Variants in DLG2 observed in about 807,000 individuals in gnomAD.
The protein encoded by DLG2 is discs large MAGUK scaffold protein 2, also known as disks large homolog 2.
Under a neutral mutation model 132.5 loss-of-function variants are expected in DLG2, and 45 were observed. That is an observed-to-expected ratio of 0.34 (90% CI 0.27 to 0.44). DLG2 has a LOEUF of 0.44. DLG2 is among the 20% of genes least tolerant of loss of function. The pLI is 1.00. For missense variants in DLG2, 1,045 were observed against 1,196.9 expected (o/e 0.87, Z 1.87); for synonymous variants, 424 against 419.6 (o/e 1.01, Z -0.13).
chr11:85,399,606 G>T (rs1327892575), intron 3 of DLG2, among the ~76,000 whole-genome samples: 1 of 152,108 alleles, frequency 6.6e-6, no homozygotes, highest in African/African-American at 2.4e-5. Context: ...GAATAGAACA[G>T]AGCCCTCAGA....
chr11:84,392,331 T>C (rs1179365470), intron 7 of DLG2, among the ~76,000 whole-genome samples: 1 of 152,198 alleles, frequency 6.6e-6, no homozygotes, highest in Non-Finnish European at 1.5e-5. Flanking sequence ...ATTAAACTGA[T>C]GATTGCAAAC....
intron 15 of DLG2, among the ~76,000 whole-genome samples, chr11:83,913,506 GTAAT>G (rs1279759631): frequency 6.6e-6 from 1 of 152,074 alleles, no homozygotes; most frequent in African/African-American, 2.4e-5. Flanking sequence ...TGGAAATCAA[GTAAT>G]TAATAATAAT....
At chr11:84,954,689 G>C (rs552982433) in intron 6 of DLG2, among the ~76,000 whole-genome samples, 2 of 152,198 alleles carry the variant, frequency 1.3e-5, no homozygotes, top group East Asian at 3.9e-4. Context: ...CCTTTGTGAC[G>C]CTTTACTCAT....
At chr11:84,816,970 T>C (rs2077146765) in intron 6 of DLG2, among the ~76,000 whole-genome samples, 1 of 152,004 alleles carries the variant, frequency 6.6e-6, no homozygotes, top group African/African-American at 2.4e-5. Context: ...AAAATAGGTA[T>C]CCCATTACCC....
rs958206875 is a variant in DLG2, at chr11:85,281,237, A to G, written c.186+3983T>C. 2.0e-5 allele frequency among the ~76,000 whole-genome samples: 3 copies of G among 152,152 alleles called. No homozygotes were observed. The South Asian group carries it at 6.2e-4, about 32-fold the overall frequency. On this transcript the variant is annotated intron_variant, in intron 4 of 27. Transcript: ENST00000376104. ...CAAGTCGATGTCACTTTCTTTCCAGACAAGAAAAGTCTAAAACCTTTACCT... is the reference window on the plus strand; with the variant it reads ...CAAGTCGATGTCACTTTCTTTCCAGGCAAGAAAAGTCTAAAACCTTTACCT...
chr11:84,130,578 G>GACAC (rs34372974), intron 9 of DLG2, among the ~76,000 whole-genome samples: 6 of 138,600 alleles, frequency 4.3e-5, no homozygotes, highest in East Asian at 2.0e-4. Flanking sequence ...CGCACACATA[G>GACAC]ACACACACAC....
intron 9 of DLG2, among the ~76,000 whole-genome samples, chr11:84,152,439 T>A (rs1464665650): frequency 6.6e-6 from 1 of 151,280 alleles, no homozygotes; most frequent in African/African-American, 2.4e-5. Flanking sequence ...CAGGCTGGAG[T>A]GCAGTGGCGC....
intron 16 of DLG2, among the ~76,000 whole-genome samples, chr11:83,841,435 T>C (rs894479171): frequency 6.6e-6 from 1 of 152,202 alleles, no homozygotes; most frequent in Non-Finnish European, 1.5e-5. Flanking sequence ...GGGATTGTAA[T>C]CTTCTAGAAA....
intron 6 of DLG2, among the ~76,000 whole-genome samples, chr11:84,698,385 A>G (rs1013591247): frequency 1.3e-5 from 2 of 151,540 alleles, no homozygotes; most frequent in Non-Finnish European, 3.0e-5. Context: ...AAATATATTA[A>G]ATTGAGTCAA....
chr11:85,105,201 C>T, intron 6 of DLG2, among the ~76,000 whole-genome samples: 1 of 151,880 alleles, frequency 6.6e-6, no homozygotes, highest in East Asian at 1.9e-4. Flanking sequence ...TGTGTGCACA[C>T]TGGGAATGCC....
chr11:84,733,953 T>C (rs1412719314), intron 6 of DLG2, among the ~76,000 whole-genome samples: 4 of 152,294 alleles, frequency 2.6e-5, no homozygotes, highest in East Asian at 1.9e-4. Flanking sequence ...GTTGTAGATA[T>C]GTGGTATTAT....
Position 84,979,666 on chromosome 11 carries a change from G to A in DLG2, c.357+131995C>T, listed in dbSNP as rs1258361598. Reference sequence around the variant, plus strand: ...CACCAGGGCCTGTTGTGGGGTGGGGGAGGGCGGAGGGATAGCATTATGAGA... The same window carrying A: ...CACCAGGGCCTGTTGTGGGGTGGGGAAGGGCGGAGGGATAGCATTATGAGA... On this transcript the variant is annotated intron_variant, in intron 6 of 27. Coordinates refer to ENST00000376104, the MANE Select transcript of DLG2 (RefSeq NM_001142699.3). 9.2e-5 allele frequency among the ~76,000 whole-genome samples: 14 copies of A among 151,608 alleles called. 1 individual carries two copies. Among genetic ancestry groups the A allele is most frequent in the Admixed American group, 7.2e-4 (11 of 15,222 alleles).
At chr11:85,468,484 T>C (rs2092877502) in intron 3 of DLG2, among the ~76,000 whole-genome samples, 1 of 152,236 alleles carries the variant, frequency 6.6e-6, no homozygotes, top group Non-Finnish European at 1.5e-5. Flanking sequence ...CTGCTTTGAA[T>C]GTGTCCCAGA....
Position 83,492,529 on chromosome 11 carries a change from A to G in DLG2, c.2194-8301T>C, listed in dbSNP as rs182350832. Among the ~76,000 whole-genome samples, 1,038 of 152,134 alleles carry G rather than the reference A, an allele frequency of 6.8e-3. 17 individuals carry two copies. Among genetic ancestry groups the G allele is most frequent in the African/African-American group, 0.024 (1,007 of 41,516 alleles). On this transcript the variant is annotated intron_variant, in intron 21 of 27. Transcript: ENST00000376104. Reference sequence around the variant, plus strand: ...GCCTACTCACTATCTTTACTTAGATATCTAATACATAGTCTTCAAACCAAA... The same window carrying G: ...GCCTACTCACTATCTTTACTTAGATGTCTAATACATAGTCTTCAAACCAAA...
intron 19 of DLG2, among the ~76,000 whole-genome samples, chr11:83,596,543 A>G (rs2057610730): frequency 6.6e-6 from 1 of 152,174 alleles, no homozygotes. Context: ...TCAGCCGCCT[A>G]TGATCCATCC....
chr11:84,008,629 T>G (rs1351728), intron 11 of DLG2, among the ~76,000 whole-genome samples: 149,372 of 151,912 alleles, frequency 0.98, 73,443 homozygotes, highest in East Asian at 1. Flanking sequence ...ATTTTGATAA[T>G]AGAGAGAGAA....
chr11:84,078,430 T>G (rs892419980), intron 10 of DLG2, among the ~76,000 whole-genome samples: 1 of 152,194 alleles, frequency 6.6e-6, no homozygotes, highest in Non-Finnish European at 1.5e-5. Flanking sequence ...ACCTAATCAT[T>G]AGAGTCACCG....
chr11:84,542,349 A>G (rs1340077971), intron 6 of DLG2, among the ~76,000 whole-genome samples: 1 of 152,218 alleles, frequency 6.6e-6, no homozygotes, highest in Non-Finnish European at 1.5e-5. Flanking sequence ...TAATAATTAC[A>G]GTTCCTTACA....
intron 4 of DLG2, among the ~76,000 whole-genome samples, chr11:85,284,352 C>A (rs2152758816): frequency 6.6e-6 from 1 of 151,634 alleles, no homozygotes; most frequent in African/African-American, 2.4e-5. Flanking sequence ...CTGAGCAGGA[C>A]AGAAAATATA....
Sources: gnomAD v4.1 joint callset for allele counts (sites outside exome capture counted in the v4.1 genomes callset) on GRCh38, gnomAD v4.1.1 for gene constraint, MANE v1.5 for transcripts, NCBI Gene and HGNC (gene_info 2026-07-23, HGNC 2026-07-21) for gene names.